The following GNA12 variants were observed in gnomAD, a reference collection of about 807,000 sequenced individuals.
GNA12 encodes the protein G protein subunit alpha 12, also known as guanine nucleotide-binding protein subunit alpha-12.
A neutral mutation model predicts 26.0 loss-of-function variants in GNA12; 9 were observed. That is an observed-to-expected ratio of 0.35 (90% CI 0.21 to 0.60). The LOEUF is 0.60. GNA12 is among the 20% of genes least tolerant of loss of function. The pLI is 0.78. For synonymous variants in GNA12, 264 were observed against 219.6 expected, an observed-to-expected ratio of 1.20 and a Z score of -1.79; for missense variants, 405 against 525.8, an observed-to-expected ratio of 0.77 and a Z score of 2.25.
intron 2 of GNA12, among the ~76,000 whole-genome samples, chr7:2,755,537 G>A (rs1451244899): frequency 2.6e-5 from 4 of 152,238 alleles, no homozygotes; most frequent in African/African-American, 9.6e-5. Flanking sequence ...TTGTTTCCAT[G>A]TGTCTATTGG....
At chr7:2,757,957 T>C (rs1340525678) in intron 2 of GNA12, among the ~76,000 whole-genome samples, 1 of 152,220 alleles carries the variant, frequency 6.6e-6, no homozygotes, top group Non-Finnish European at 1.5e-5. Flanking sequence ...GGAATGATTC[T>C]TCCCTCCCCC....
chr7:2,807,435 A>G (rs773300263), intron 1 of GNA12, among the ~76,000 whole-genome samples: 1 of 152,226 alleles, frequency 6.6e-6, no homozygotes, highest in Non-Finnish European at 1.5e-5. Context: ...TCATGAAGGT[A>G]TAAAGAACAA....
intron 1 of GNA12, among the ~76,000 whole-genome samples, chr7:2,813,841 C>T (rs1020690713): frequency 1.3e-5 from 2 of 152,156 alleles, no homozygotes; most frequent in Admixed American, 6.5e-5. Context: ...TGATGCAACA[C>T]CGTTCCTGGG....
intron 2 of GNA12, among the ~76,000 whole-genome samples, chr7:2,760,154 T>C (rs1445009554): frequency 6.6e-6 from 1 of 152,266 alleles, no homozygotes; most frequent in Non-Finnish European, 1.5e-5. Flanking sequence ...ATGGACGTGC[T>C]TTCTTCCCAT....
intron 1 of GNA12, among the ~76,000 whole-genome samples, chr7:2,830,788 C>T (rs2114972773): frequency 6.6e-6 from 1 of 152,170 alleles, no homozygotes; most frequent in African/African-American, 2.4e-5. Flanking sequence ...ACACAAGCTC[C>T]CTGCCAAGTG....
rs1329244533 is a variant in GNA12, at chr7:2,730,492, G to C, written c.*689C>G. On this transcript the variant is annotated 3_prime_UTR_variant, in exon 4 of 4. Transcript: ENST00000275364. ...GGCGTAAGGTGAATCCACACCTGCAGAGCTCTGCAGCCCGTCCTCAGAGCT... is the reference window on the plus strand; with the variant it reads ...GGCGTAAGGTGAATCCACACCTGCACAGCTCTGCAGCCCGTCCTCAGAGCT... 1 of 152,498 alleles carries C rather than the reference G, an allele frequency of 6.6e-6. No homozygotes were observed. The highest frequency in any genetic ancestry group is 2.4e-5 in the African/African-American group (1 of 41,456). The allele number at this position is 152,498 out of a possible 1,614,324, so 9.4% of individuals were successfully genotyped here. A position where few individuals can be genotyped will look rare whatever the true frequency, so the allele number is the denominator to read the frequency against.
intron 2 of GNA12, among the ~76,000 whole-genome samples, chr7:2,749,690 T>C (rs1790934527): frequency 6.6e-6 from 1 of 152,058 alleles, no homozygotes. Flanking sequence ...AAGAAAATCT[T>C]ATCAGATACA....
chr7:2,802,392 T>TG (rs200382289), intron 1 of GNA12, among the ~76,000 whole-genome samples: 11,007 of 95,654 alleles, frequency 0.12, 814 homozygotes, highest in Middle Eastern at 0.31. Flanking sequence ...TAGATTTTTT[T>TG]TGGGGGGGTG....
intron 2 of GNA12, among the ~76,000 whole-genome samples, chr7:2,769,566 TA>T (rs773490852): frequency 2.0e-5 from 3 of 151,610 alleles, no homozygotes; most frequent in East Asian, 2.0e-4. Flanking sequence ...CCGTCTCTAT[TA>T]AAAAAAATAC....
At chr7:2,817,132 G>A (rs923007191) in intron 1 of GNA12, among the ~76,000 whole-genome samples, 1 of 152,212 alleles carries the variant, frequency 6.6e-6, no homozygotes, top group Admixed American at 6.5e-5. Flanking sequence ...TTGAGACAGA[G>A]TCTCGCTCTA....
intron 2 of GNA12, 131 bp downstream of exon 2, chr7:2,794,797 A>G: frequency 1.4e-6 from 1 of 697,598 alleles, no homozygotes; most frequent in African/African-American, 1.8e-5. Context: ...GTTGTTGATC[A>G]TTACAACTTA....
Position 2,737,150 on chromosome 7 carries a change from G to T in GNA12, c.526-3649C>A, listed in dbSNP as rs144274345. Among the ~76,000 whole-genome samples, 270 of 152,182 alleles carry T rather than the reference G, an allele frequency of 1.8e-3. 3 individuals carry two copies. The highest frequency in any genetic ancestry group is 6.0e-3 in the African/African-American group (251 of 41,520). On this transcript the variant is annotated intron_variant, in intron 2 of 3. Coordinates refer to ENST00000275364, the MANE Select transcript of GNA12 (RefSeq NM_007353.3). ...TCTCAGATGTAAGCGTCTAAGTAGGGACAGATCAAGGACCAGAGAGTGGTT... is the reference window on the plus strand; with the variant it reads ...TCTCAGATGTAAGCGTCTAAGTAGGTACAGATCAAGGACCAGAGAGTGGTT...
At chr7:2,761,791 G>A (rs1347301833) in intron 2 of GNA12, among the ~76,000 whole-genome samples, 2 of 152,198 alleles carry the variant, frequency 1.3e-5, no homozygotes, top group African/African-American at 2.4e-5. Flanking sequence ...TCATTAAAAC[G>A]TGAAGAGATG....
At chr7:2,755,084 G>A (rs947883923) in intron 2 of GNA12, among the ~76,000 whole-genome samples, 2 of 152,186 alleles carry the variant, frequency 1.3e-5, no homozygotes, top group African/African-American at 4.8e-5. Context: ...TCAGTCGGGC[G>A]TGCTGGCGGG....
At chr7:2,827,606 G>T (rs1368595773) in intron 1 of GNA12, among the ~76,000 whole-genome samples, 1 of 152,154 alleles carries the variant, frequency 6.6e-6, no homozygotes, top group African/African-American at 2.4e-5. Flanking sequence ...GGCTGGGCTG[G>T]TCCGTGAGCA....
At position 2,844,244 on chromosome 7, in the gene GNA12, C is replaced by T. The variant is rs560848657; in HGVS notation, c.-83G>A. The T allele has an allele frequency of 1.1e-5, 7 of 629,440 alleles. No individual in the cohort carries two copies. The highest frequency in any genetic ancestry group is 8.0e-5 in the African/African-American group (4 of 49,926). 39.0% of individuals were successfully genotyped at this position (629,440 alleles called of 1,614,324 possible). ...CGGCGAGGGCGAGCCCGGGCCGAGG[C>T]ACCGCCCCACGCCCCGCCGCTCGCC... On this transcript the variant is annotated 5_prime_UTR_variant, in exon 1 of 4. Transcript: ENST00000275364.
intron 1 of GNA12, among the ~76,000 whole-genome samples, chr7:2,835,241 G>A (rs1428456587): frequency 6.6e-6 from 1 of 152,144 alleles, no homozygotes; most frequent in Non-Finnish European, 1.5e-5. Flanking sequence ...CCAACAGCCT[G>A]AGGCACACCC....
At chr7:2,766,265 T>C (rs1254439263) in intron 2 of GNA12, among the ~76,000 whole-genome samples, 2 of 152,228 alleles carry the variant, frequency 1.3e-5, no homozygotes, top group Admixed American at 1.3e-4. Context: ...GGTTCATCTC[T>C]GTTGTAGCTA....
At chr7:2,753,589 T>C (rs144337942) in intron 2 of GNA12, among the ~76,000 whole-genome samples, 33 of 152,296 alleles carry the variant, frequency 2.2e-4, no homozygotes, top group Middle Eastern at 3.4e-3. Flanking sequence ...CATTTACCAA[T>C]CTAGAGACAT....
Sources: allele counts gnomAD v4.1 joint callset (sites outside exome capture counted in the v4.1 genomes callset), GRCh38; gene constraint gnomAD v4.1.1; transcripts MANE v1.5; gene names NCBI Gene and HGNC (gene_info 2026-07-23, HGNC 2026-07-21).